The following POLQ variants were observed in gnomAD, a reference collection of about 807,000 sequenced individuals.
POLQ encodes the protein epididymis secretory sperm binding protein.
Under a neutral mutation model 259.2 loss-of-function variants are expected in POLQ, and 233 were observed. That is an observed-to-expected ratio of 0.90 (90% CI 0.81 to 1.00). The LOEUF (loss-of-function observed/expected upper bound fraction) is 1.00. Among genes scored for constraint, POLQ ranks in the 50% least tolerant of loss-of-function variants. The pLI, the probability that POLQ is intolerant of heterozygous loss-of-function variation, is 0.00. For missense variants in POLQ, 2,871 were observed against 3,051.6 expected (o/e 0.94, Z 1.39); for synonymous variants, 1,025 against 1,048.8 (o/e 0.98, Z 0.44).
chr3:121,523,184 ATTT>A (rs751930004), intron 7 of POLQ, among the ~76,000 whole-genome samples: 1 of 142,860 alleles, frequency 7.0e-6, no homozygotes, highest in African/African-American at 2.6e-5. Flanking sequence ...CCCAGCTAGC[ATTT>A]TTTTTTTTCA....
At chr3:121,472,795 T>C (rs375928341) in intron 21 of POLQ, among the ~76,000 whole-genome samples, 3 of 152,246 alleles carry the variant, frequency 2.0e-5, no homozygotes, top group African/African-American at 7.2e-5. Context: ...TCTGTGGCTA[T>C]ATTTTCTACC....
Position 121,519,942 on chromosome 3 carries a change from C to G in POLQ, c.1397G>C (p.Gly466Ala). ...RVIIRTPIFG[G>A]RPLDILTYKQ... is the part of the protein sequence containing the mutation. ...ATAAGTAAGAATATCTAGAGGTCGACCACCAAAAATAGGGGTTCGAATAAT... is the reference window on the plus strand; with the variant it reads ...ATAAGTAAGAATATCTAGAGGTCGAGCACCAAAAATAGGGGTTCGAATAAT... The change falls in exon 9 of 30, where the codon GGT becomes GCT. Residue 466 changes from glycine to alanine, a missense_variant. Gly to Ala is a moderately conservative substitution (Grantham distance 60, BLOSUM62 0). Coordinates refer to ENST00000264233, the MANE Select transcript of POLQ (RefSeq NM_199420.4). The G allele has an allele frequency of 6.2e-7, 1 of 1,612,026 alleles. No homozygotes were observed. Among genetic ancestry groups the G allele is most frequent in the Non-Finnish European group, 8.5e-7 (1 of 1,178,252 alleles).
chr3:121,525,142 C>T (rs1447582676), intron 7 of POLQ, among the ~76,000 whole-genome samples: 1 of 152,060 alleles, frequency 6.6e-6, no homozygotes, highest in African/African-American at 2.4e-5. Flanking sequence ...GAGATCGAGA[C>T]CATCCTGGCT....
chr3:121,494,277 G>A (rs1358497362), intron 14 of POLQ: 19 of 1,594,850 alleles, frequency 1.2e-5, no homozygotes, highest in Non-Finnish European at 1.5e-5. Flanking sequence ...TTTGTGAAAC[G>A]GCCCCGCTAT....
intron 24 of POLQ, among the ~76,000 whole-genome samples, chr3:121,466,363 CAAAAA>C (rs751087085): frequency 1.2e-4 from 11 of 94,156 alleles, no homozygotes. Flanking sequence ...GACTCCGTCT[CAAAAA>C]AAAAAAAAAA....
chr3:121,483,317 C>A (rs1307948587), intron 18 of POLQ, 69 bp downstream of exon 18: 2 of 825,152 alleles, frequency 2.4e-6, no homozygotes, highest in African/African-American at 1.8e-5. Flanking sequence ...TAAGTAAATA[C>A]CAAGTCATTT....
chr3:121,488,241 C>G lies in POLQ; in HGVS notation c.4690G>C (p.Val1564Leu). 1.2e-6 allele frequency: 2 copies of G among 1,613,334 alleles called. No homozygotes were observed. Among genetic ancestry groups the G allele is most frequent in the Non-Finnish European group, 1.7e-6 (2 of 1,179,704 alleles). ...TTGTCCAAAGCTTCAACCATCTGAA[C>G]AGAATCCATTTCTGAAAATATAATA... ...ESIIFSEMDS[V>L]QMVEALDNVD... The change falls in exon 16 of 30, where the codon GTT becomes CTT. Residue 1564 changes from valine (V) to leucine (L), a missense_variant. Coordinates refer to ENST00000264233, the MANE Select transcript of POLQ (RefSeq NM_199420.4).
chr3:121,499,829 T>C (rs371532018), intron 12 of POLQ, among the ~76,000 whole-genome samples: 2 of 151,980 alleles, frequency 1.3e-5, no homozygotes, highest in African/African-American at 4.8e-5. Context: ...GCTATTGAAA[T>C]AAGTAAAGAC....
rs2048474495 is a variant in POLQ, at chr3:121,539,506, A to G, written c.558T>C (p.Ile186=). The G allele has an allele frequency of 6.2e-7, 1 of 1,612,932 alleles. No individual in the cohort carries two copies. The highest frequency in any genetic ancestry group is 8.5e-7 in the Non-Finnish European group (1 of 1,178,892). The stretch of plus-strand genomic sequence containing the variant: ...TGGCTCTCTCAATTGTGCAGACTGC[A>G]ATATCCAATGAAGAGAAATGCCTTG... ...SPSRHFSSLD[I]AVCTIERANG... The change falls in exon 4 of 30, where the codon ATT becomes ATC. Residue 186 remains isoleucine, a synonymous_variant. Transcript: ENST00000264233.
intron 7 of POLQ, among the ~76,000 whole-genome samples, chr3:121,529,303 T>C (rs1401927864): frequency 3.3e-5 from 5 of 152,198 alleles, no homozygotes; most frequent in Non-Finnish European, 7.4e-5. Flanking sequence ...ATGGTTACTT[T>C]CCCCAAAGAA....
At chr3:121,474,290 G>T (rs2108791147) in intron 20 of POLQ, among the ~76,000 whole-genome samples, 1 of 152,220 alleles carries the variant, frequency 6.6e-6, no homozygotes, top group Admixed American at 6.5e-5. Flanking sequence ...TAGTCCCTAG[G>T]CACAAAAAGT....
Position 121,467,555 on chromosome 3 carries a change from A to G in POLQ, c.6931T>C (p.Ser2311Pro). 1 of 1,613,984 alleles carries G rather than the reference A, an allele frequency of 6.2e-7. No individual in the cohort carries two copies. Among genetic ancestry groups the G allele is most frequent in the African/African-American group, 1.3e-5 (1 of 75,066 alleles). Residue 2311 changes from serine (S) to proline (P), a missense_variant, in exon 24 of 30, where the codon TCA becomes CCA. By Grantham distance (74) the Ser-to-Pro change is moderately conservative (BLOSUM62 -1). Coordinates refer to ENST00000264233, the MANE Select transcript of POLQ (RefSeq NM_199420.4). ...ACAAAGGCATGTCGCATGCTAATTGAAAATGGCATTCCTCTGTCTGCAGCT... is the reference window on the plus strand; with the variant it reads ...ACAAAGGCATGTCGCATGCTAATTGGAAATGGCATTCCTCTGTCTGCAGCT... ...ERAADRGMPFSISMRHAFVPF... is the reference protein window; with the variant it reads ...ERAADRGMPFPISMRHAFVPF...
chr3:121,520,181 A>G, intron 8 of POLQ, 98 bp from the exon 9 acceptor site: 1 of 685,790 alleles, frequency 1.5e-6, no homozygotes, highest in Non-Finnish European at 2.5e-6. Flanking sequence ...CAAGCCTCTG[A>G]AGATTTTTGA....
At chr3:121,491,031 A>T (rs1208669252) in intron 15 of POLQ, among the ~76,000 whole-genome samples, 1 of 152,112 alleles carries the variant, frequency 6.6e-6, no homozygotes, top group Non-Finnish European at 1.5e-5. Flanking sequence ...AGCCAGGGTG[A>T]CAGAACAGGA....
intron 24 of POLQ, among the ~76,000 whole-genome samples, chr3:121,467,112 G>A (rs2047843874): frequency 6.6e-6 from 1 of 152,130 alleles, no homozygotes; most frequent in Non-Finnish European, 1.5e-5. Context: ...AAACATAAAA[G>A]CAAACAAGTT....
chr3:121,529,902 TAATGAA>T (rs2048398942), intron 6 of POLQ, 110 bp from the exon 7 acceptor site: 1 of 704,246 alleles, frequency 1.4e-6, no homozygotes, highest in Non-Finnish European at 2.2e-6. Context: ...CTTTAAGGCA[TAATGAA>T]AATCAGTTAC....
chr3:121,463,890 A>G (rs2108785768), intron 24 of POLQ, among the ~76,000 whole-genome samples: 1 of 152,292 alleles, frequency 6.6e-6, no homozygotes. Context: ...ATACAGTTAA[A>G]ATTATTTTAT....
chr3:121,489,342 G>C lies in POLQ; in HGVS notation c.3589C>G (p.Arg1197Gly), dbSNP rs190607249. The change falls in exon 16 of 30, where the codon CGA (arginine) becomes GGA (glycine). Residue 1197 changes from arginine (R) to glycine (G), a missense_variant. This residue lies in a region of POLQ where 2,080 missense variants were observed against 2,126.0 expected (regional missense o/e 0.98). Coordinates refer to ENST00000264233, the MANE Select transcript of POLQ (RefSeq NM_199420.4). ...CTTGTCTGTTCATGAGATTGCTTTCGCAGGTACTGGTTAATTGGATGGATG... is the reference window on the plus strand; with the variant it reads ...CTTGTCTGTTCATGAGATTGCTTTCCCAGGTACTGGTTAATTGGATGGATG... ...HDIHPINQYL[R>G]KQSHEQTSTI... is the part of the protein sequence containing the mutation. 5 of 1,612,948 alleles carry C rather than the reference G, an allele frequency of 3.1e-6. No individual in the cohort carries two copies. The Admixed American group carries it at 8.4e-5, about 27-fold the overall frequency.
chr3:121,481,505 TGA>T, intron 19 of POLQ, 65 bp downstream of exon 19: 1 of 1,404,422 alleles, frequency 7.1e-7, no homozygotes, highest in Non-Finnish European at 9.7e-7. Flanking sequence ...TACCCATTTT[TGA>T]TAAAGAGTGG....
Sources: allele counts gnomAD v4.1 joint callset (sites outside exome capture counted in the v4.1 genomes callset), GRCh38; gene constraint gnomAD v4.1.1; regional missense constraint gnomAD v4.1.1; transcripts MANE v1.5; gene names NCBI Gene and HGNC (gene_info 2026-07-23, HGNC 2026-07-21).